KCNIP4: variants seen among roughly 807,000 people sequenced by gnomAD.
The protein encoded by KCNIP4 is Kv channel-interacting protein 4.
Under a neutral mutation model 34.0 loss-of-function variants are expected in KCNIP4, and 12 were observed. The ratio of observed to expected loss-of-function variants is 0.35; its 90% CI spans 0.23 to 0.57. KCNIP4 has a LOEUF of 0.57. Ranked by LOEUF, KCNIP4 falls within the 20% of genes least tolerant of loss-of-function variation. The pLI, the probability that KCNIP4 is intolerant of heterozygous loss-of-function variation, is 0.83. For synonymous variants in KCNIP4, 124 were observed against 102.2 expected (o/e 1.21, Z -1.29); for missense variants, 238 against 311.7 (o/e 0.76, Z 1.78).
intron 1 of KCNIP4, among the ~76,000 whole-genome samples, chr4:21,746,593 A>T (rs760477438): frequency 8.3e-4 from 11 of 13,194 alleles, no homozygotes; most frequent in Non-Finnish European, 1.9e-3. Context: ...AAGAAAAAAT[A>T]AAAAAAAAAG....
At chr4:21,015,842 C>G (rs1431052472) in intron 1 of KCNIP4, among the ~76,000 whole-genome samples, 2 of 129,408 alleles carry the variant, frequency 1.5e-5, no homozygotes, top group Non-Finnish European at 3.2e-5. Context: ...ACAATATATA[C>G]AATATATAAA....
intron 3 of KCNIP4, among the ~76,000 whole-genome samples, chr4:20,777,878 C>G (rs750363012): frequency 3.0e-4 from 46 of 152,198 alleles, no homozygotes; most frequent in Admixed American, 1.4e-3. Flanking sequence ...TCCTTTAGCA[C>G]ATAGGTATAG....
chr4:21,294,082 A>T (rs554342115), intron 1 of KCNIP4, among the ~76,000 whole-genome samples: 1 of 152,310 alleles, frequency 6.6e-6, no homozygotes, highest in African/African-American at 2.4e-5. Flanking sequence ...GATCATAAAA[A>T]CTGTTAATAT....
chr4:20,838,596 C>G (rs1379069360), intron 3 of KCNIP4, among the ~76,000 whole-genome samples: 1 of 152,094 alleles, frequency 6.6e-6, no homozygotes, highest in Admixed American at 6.6e-5. Context: ...TCTTTAAATC[C>G]AGACTCACTT....
chr4:21,501,008 TG>T (rs1349967327), intron 1 of KCNIP4, among the ~76,000 whole-genome samples: 5 of 152,046 alleles, frequency 3.3e-5, no homozygotes, highest in Admixed American at 2.6e-4. Context: ...GACACTTTTT[TG>T]GGAACAGTAG....
chr4:21,370,828 TATATATATATATATATATATATACAC>T (rs1460136976), intron 1 of KCNIP4, among the ~76,000 whole-genome samples: 35 of 32,452 alleles, frequency 1.1e-3, no homozygotes, highest in East Asian at 4.0e-3. Context: ...TATATATATA[TATATATATATATATATATATATACAC>T]ACACACACAC....
chr4:21,248,673 G>C (rs562043410), intron 1 of KCNIP4, among the ~76,000 whole-genome samples: 74 of 152,268 alleles, frequency 4.9e-4, no homozygotes, highest in Middle Eastern at 6.8e-3. Flanking sequence ...CCCAATTCCA[G>C]AAGTGGGGTG....
intron 1 of KCNIP4, among the ~76,000 whole-genome samples, chr4:21,794,036 C>A (rs1021352755): frequency 1.3e-5 from 2 of 152,154 alleles, no homozygotes; most frequent in East Asian, 3.9e-4. Context: ...GAAAACCAAA[C>A]CCCGCATGTT....
chr4:21,354,247 G>A (rs1016829564), intron 1 of KCNIP4, among the ~76,000 whole-genome samples: 4 of 152,094 alleles, frequency 2.6e-5, no homozygotes, highest in Non-Finnish European at 5.9e-5. Flanking sequence ...CAATTAAGGG[G>A]CAAAATAACC....
intron 1 of KCNIP4, among the ~76,000 whole-genome samples, chr4:21,260,987 C>T (rs1311326128): frequency 6.6e-6 from 1 of 152,172 alleles, no homozygotes; most frequent in Non-Finnish European, 1.5e-5. Context: ...GAGTTGTCAG[C>T]TCTTCTTTTC....
intron 1 of KCNIP4, among the ~76,000 whole-genome samples, chr4:21,313,626 G>A (rs1713420747): frequency 6.6e-6 from 1 of 152,082 alleles, no homozygotes; most frequent in African/African-American, 2.4e-5. Context: ...GAACCACACT[G>A]AAAAGAAAAA....
chr4:21,804,660 T>C (rs115155536), intron 1 of KCNIP4, among the ~76,000 whole-genome samples: 2,223 of 152,292 alleles, frequency 0.015, 43 homozygotes, highest in African/African-American at 0.05. Context: ...TAAAAACCTA[T>C]AATTCTAAGA....
chr4:21,737,169 A>T (rs1207190681), intron 1 of KCNIP4, among the ~76,000 whole-genome samples: 1 of 152,178 alleles, frequency 6.6e-6, no homozygotes, highest in Non-Finnish European at 1.5e-5. Context: ...CCTCGGGTGT[A>T]GTCATTTACC....
At chr4:21,310,502 T>C (rs760748986) in intron 1 of KCNIP4, among the ~76,000 whole-genome samples, 1 of 152,174 alleles carries the variant, frequency 6.6e-6, no homozygotes, top group Non-Finnish European at 1.5e-5. Context: ...TGGCACTTAC[T>C]TGATCCAAGA....
In KCNIP4 at chr4:21,712,915, A is replaced by C. The variant is rs150848972; in HGVS notation, c.61+235656T>G. 1.8e-3 allele frequency among the ~76,000 whole-genome samples: 270 copies of C among 152,298 alleles called. 10 individuals are homozygous for C. The South Asian group carries it at 0.037, about 21-fold the overall frequency. Reference sequence around the variant, plus strand: ...TTCTAGTATTAAACACCTTGGAAAGATGAGGACCATCTTCTTCCTCCCTGT... The same window carrying C: ...TTCTAGTATTAAACACCTTGGAAAGCTGAGGACCATCTTCTTCCTCCCTGT... On this transcript the variant is annotated intron_variant, in intron 1 of 8. Coordinates refer to ENST00000382152, the MANE Select transcript of KCNIP4 (RefSeq NM_025221.6).
At chr4:21,147,769 T>A (rs1306908575) in intron 1 of KCNIP4, among the ~76,000 whole-genome samples, 1 of 151,468 alleles carries the variant, frequency 6.6e-6, no homozygotes, top group East Asian at 2.0e-4. Context: ...TGAAACCCTG[T>A]CTCTACTAAA....
rs371562667 is a variant in KCNIP4, at chr4:21,718,307, C to T, written c.61+230264G>A. Among the ~76,000 whole-genome samples the T allele has an allele frequency of 7.2e-5, 11 of 152,224 alleles. 2 individuals are homozygous for T. Among genetic ancestry groups the T allele is most frequent in the African/African-American group, 2.6e-4 (11 of 41,560 alleles). On this transcript the variant is annotated intron_variant, in intron 1 of 8. Transcript: ENST00000382152. ...ACAGTTATGTGAAACACTATGTTAC[C>T]TAAATATTTATTAGCCAATTTGTAT... is the stretch of plus-strand genomic sequence containing the variant.
chr4:20,999,425 T>G (rs1171102161), intron 1 of KCNIP4, among the ~76,000 whole-genome samples: 1 of 37,332 alleles, frequency 2.7e-5, no homozygotes, highest in Non-Finnish European at 5.2e-5. Flanking sequence ...TTTTTTTTTT[T>G]TGTTTGTTTT....
chr4:21,307,566 T>C (rs1422428983), intron 1 of KCNIP4, among the ~76,000 whole-genome samples: 1 of 152,220 alleles, frequency 6.6e-6, no homozygotes. Flanking sequence ...TTTTTGTTTG[T>C]CTTGTTCAAT....
Sources: gnomAD v4.1 joint callset for allele counts (sites outside exome capture counted in the v4.1 genomes callset) on GRCh38, gnomAD v4.1.1 for gene constraint, MANE v1.5 for transcripts, NCBI Gene and HGNC (gene_info 2026-07-23, HGNC 2026-07-21) for gene names.